The following FOXP1 variants were observed in gnomAD, a reference collection of about 807,000 sequenced individuals.
FOXP1 encodes forkhead box protein P1.
In FOXP1, 15 loss-of-function variants were observed where a neutral mutation model predicts 98.2. The observed-to-expected ratio is 0.15, with a 90% CI of 0.10 to 0.24. The LOEUF (loss-of-function observed/expected upper bound fraction) is 0.24. Ranked by LOEUF, FOXP1 falls within the 10% of genes least tolerant of loss-of-function variation. The pLI is 1.00. For synonymous variants in FOXP1, 371 were observed against 314.5 expected (o/e 1.18, Z -1.90); for missense variants, 633 against 848.5 (o/e 0.75, Z 3.15).
At chr3:70,974,599 T>TA (rs1284676547) in intron 17 of FOXP1, among the ~76,000 whole-genome samples, 1 of 152,170 alleles carries the variant, frequency 6.6e-6, no homozygotes, top group African/African-American at 2.4e-5. Context: ...GGCTGCATTT[T>TA]AAAAAAATAT....
intron 11 of FOXP1, among the ~76,000 whole-genome samples, chr3:71,027,587 C>G (rs2046299553): frequency 6.6e-6 from 1 of 152,174 alleles, no homozygotes; most frequent in Admixed American, 6.5e-5. Context: ...TAAACACCTA[C>G]TTTGTGATAA....
chr3:71,010,103 C>T (rs2043372549), intron 12 of FOXP1, among the ~76,000 whole-genome samples: 1 of 151,936 alleles, frequency 6.6e-6, no homozygotes, highest in African/African-American at 2.4e-5. Flanking sequence ...GTTAACATCC[C>T]AAATCACATG....
chr3:70,998,176 A>G (rs1340649678), intron 13 of FOXP1, among the ~76,000 whole-genome samples: 2 of 152,226 alleles, frequency 1.3e-5, no homozygotes, highest in South Asian at 4.1e-4. Flanking sequence ...GAGCCAGATC[A>G]TAAATATTTT....
At chr3:71,214,039 G>A (rs2064718750) in intron 5 of FOXP1, among the ~76,000 whole-genome samples, 1 of 152,158 alleles carries the variant, frequency 6.6e-6, no homozygotes, top group Admixed American at 6.5e-5. Context: ...AGTTAGCAAG[G>A]ATTGAACTTG....
At chr3:71,274,016 T>A (rs2070652460) in intron 5 of FOXP1, among the ~76,000 whole-genome samples, 1 of 152,222 alleles carries the variant, frequency 6.6e-6, no homozygotes. Flanking sequence ...GAGCCTTCAC[T>A]GCAGGGTAGC....
At chr3:71,231,191 T>G (rs1322611195) in intron 5 of FOXP1, among the ~76,000 whole-genome samples, 2 of 152,202 alleles carry the variant, frequency 1.3e-5, no homozygotes, top group Non-Finnish European at 2.9e-5. Flanking sequence ...GAACCATGAA[T>G]CAATTTTATA....
At chr3:71,254,743 C>T (rs1470621430) in intron 5 of FOXP1, among the ~76,000 whole-genome samples, 2 of 152,162 alleles carry the variant, frequency 1.3e-5, no homozygotes, top group African/African-American at 4.8e-5. Context: ...ACAGTTTCTG[C>T]CTAAGCATTC....
At chr3:71,398,867 A>G (rs925784726) in intron 3 of FOXP1, among the ~76,000 whole-genome samples, 3 of 152,234 alleles carry the variant, frequency 2.0e-5, no homozygotes, top group African/African-American at 7.2e-5. Flanking sequence ...TAAGATATAT[A>G]GGATAATACA....
At chr3:71,525,742 T>C (rs182566520) in intron 2 of FOXP1, among the ~76,000 whole-genome samples, 6 of 152,314 alleles carry the variant, frequency 3.9e-5, no homozygotes, top group Admixed American at 3.3e-4. Flanking sequence ...CAATAATCCA[T>C]AGAAAGTTTC....
At chr3:70,982,203 A>G (rs2038987909) in intron 14 of FOXP1, among the ~76,000 whole-genome samples, 1 of 152,242 alleles carries the variant, frequency 6.6e-6, no homozygotes, top group South Asian at 2.1e-4. Flanking sequence ...TTAGAACAGA[A>G]GAGCAAATGG....
chr3:71,474,525 C>G (rs2106742715), intron 3 of FOXP1, among the ~76,000 whole-genome samples: 1 of 152,322 alleles, frequency 6.6e-6, no homozygotes, highest in South Asian at 2.1e-4. Flanking sequence ...GAAGCTTCAT[C>G]TGTGTTTACA....
intron 5 of FOXP1, among the ~76,000 whole-genome samples, chr3:71,268,224 G>A (rs1334012903): frequency 6.6e-6 from 1 of 151,050 alleles, no homozygotes; most frequent in Non-Finnish European, 1.5e-5. Context: ...CCGAGTAGCT[G>A]GGACTATAGG....
At chr3:71,162,916 C>T (rs1023260598) in intron 6 of FOXP1, among the ~76,000 whole-genome samples, 7 of 152,250 alleles carry the variant, frequency 4.6e-5, no homozygotes, top group East Asian at 3.9e-4. Flanking sequence ...ATTCCAGTTA[C>T]GGCTGTCATC....
At chr3:71,047,451 G>C (rs193127789) in intron 9 of FOXP1, among the ~76,000 whole-genome samples, 6 of 152,266 alleles carry the variant, frequency 3.9e-5, no homozygotes, top group East Asian at 3.9e-4. Flanking sequence ...GTCTGAAGGG[G>C]TCTGAACCCC....
Position 71,352,191 on chromosome 3 carries a change from T to C in FOXP1, c.-73+6959A>G, listed in dbSNP as rs527345939. On this transcript the variant is annotated intron_variant, in intron 4 of 20. Transcript: ENST00000649528. ...GATTAAGAACCAGGGTACGGCTGGG[T>C]GTGGTCACTCATGCCTGTAATCTCA... Among the ~76,000 whole-genome samples the C allele has an allele frequency of 5.3e-5, 8 of 152,124 alleles. No individual in the cohort carries two copies. The South Asian group carries it at 1.5e-3, about 28-fold the overall frequency.
intron 7 of FOXP1, among the ~76,000 whole-genome samples, chr3:71,067,763 C>CAA (rs1553721571): frequency 1.2e-4 from 18 of 149,900 alleles, no homozygotes; most frequent in African/African-American, 4.5e-4. Flanking sequence ...CACACACACA[C>CAA]AATTAGCCAC....
chr3:71,356,663 A>T (rs1001938773), intron 4 of FOXP1, among the ~76,000 whole-genome samples: 6 of 152,180 alleles, frequency 3.9e-5, no homozygotes, highest in African/African-American at 1.2e-4. Context: ...TGGCACAGAA[A>T]GGTTAAGTAA....
intron 2 of FOXP1, among the ~76,000 whole-genome samples, chr3:71,527,996 A>G (rs1347890129): frequency 6.6e-6 from 1 of 152,242 alleles, no homozygotes; most frequent in Non-Finnish European, 1.5e-5. Flanking sequence ...ATTCAAAGAG[A>G]AAGACCACGG....
At chr3:71,455,672 A>G (rs1002181343) in intron 3 of FOXP1, among the ~76,000 whole-genome samples, 1 of 152,184 alleles carries the variant, frequency 6.6e-6, no homozygotes, top group East Asian at 1.9e-4. Flanking sequence ...CCAAGTTTCA[A>G]TTTGGGAGAA....
Sources: allele counts gnomAD v4.1 joint callset (sites outside exome capture counted in the v4.1 genomes callset), GRCh38; gene constraint gnomAD v4.1.1; transcripts MANE v1.5; gene names NCBI Gene and HGNC (gene_info 2026-07-23, HGNC 2026-07-21).